Variants in MEMO1 observed in about 807,000 individuals in gnomAD.
The protein encoded by MEMO1 is protein MEMO1.
MEMO1 carries 6 observed loss-of-function variants against 45.2 expected under a neutral mutation model. The ratio of observed to expected loss-of-function variants is 0.13; its 90% CI spans 0.07 to 0.26. MEMO1 has a LOEUF of 0.26. Ranked by LOEUF, MEMO1 falls within the 10% of genes least tolerant of loss-of-function variation. MEMO1 has a pLI of 1.00. For missense variants in MEMO1, 184 were observed against 370.5 expected, an observed-to-expected ratio of 0.50 and a Z score of 4.13; for synonymous variants, 78 against 124.3, an observed-to-expected ratio of 0.63 and a Z score of 2.48.
At chr2:31,922,842 TA>T (rs1682518723) in intron 4 of MEMO1, among the ~76,000 whole-genome samples, 2 of 152,282 alleles carry the variant, frequency 1.3e-5, no homozygotes, top group South Asian at 4.1e-4. Flanking sequence ...ATAGTGTATA[TA>T]TGTACCACAT....
In MEMO1 at chr2:31,971,480, G is replaced by A. The variant is rs72860968; in HGVS notation, c.62-28097C>T. On this transcript the variant is annotated intron_variant, in intron 2 of 9. Transcript: ENST00000404530. ...CCTGGGCTCAAGAGATCCTCCTATTGTGGCCTCCCAAAGTGCTGGGATTAT... is the reference window on the plus strand; with the variant it reads ...CCTGGGCTCAAGAGATCCTCCTATTATGGCCTCCCAAAGTGCTGGGATTAT... Among the ~76,000 whole-genome samples, 448 of 152,066 alleles carry A rather than the reference G, an allele frequency of 2.9e-3. 4 individuals are homozygous for A. Among genetic ancestry groups the A allele is most frequent in the African/African-American group, 0.01 (423 of 41,484 alleles).
chr2:31,952,873 A>G (rs1408176049), intron 2 of MEMO1, among the ~76,000 whole-genome samples: 2 of 152,262 alleles, frequency 1.3e-5, no homozygotes, highest in Non-Finnish European at 2.9e-5. Context: ...GCCTACTTTT[A>G]TTTACATAAC....
At chr2:31,948,461 A>G (rs1028550041) in intron 2 of MEMO1, among the ~76,000 whole-genome samples, 1 of 152,246 alleles carries the variant, frequency 6.6e-6, no homozygotes, top group Non-Finnish European at 1.5e-5. Flanking sequence ...GGCACCCAGT[A>G]TTTCATTATT....
chr2:31,932,716 T>A (rs1572722046), intron 3 of MEMO1, among the ~76,000 whole-genome samples: 2 of 152,320 alleles, frequency 1.3e-5, no homozygotes, highest in Non-Finnish European at 2.9e-5. Context: ...ATTACAGGCA[T>A]AAGCCACCGC....
chr2:31,927,695 A>G (rs1291279549), intron 4 of MEMO1, among the ~76,000 whole-genome samples: 1 of 151,798 alleles, frequency 6.6e-6, no homozygotes, highest in Non-Finnish European at 1.5e-5. Context: ...TCTATTAGAA[A>G]ATGTATTTAT....
At chr2:31,971,952 A>T (rs1669461834) in intron 2 of MEMO1, among the ~76,000 whole-genome samples, 1 of 152,232 alleles carries the variant, frequency 6.6e-6, no homozygotes, top group Non-Finnish European at 1.5e-5. Flanking sequence ...CCTGGCCGTC[A>T]GAGCGAGACT....
chr2:31,971,969 C>CA (rs1030287206), intron 2 of MEMO1, among the ~76,000 whole-genome samples: 22 of 147,630 alleles, frequency 1.5e-4, no homozygotes, highest in Non-Finnish European at 1.6e-4. Context: ...GACTCTGTCT[C>CA]AAAAAAAAAG....
chr2:31,898,143 C>T (rs772813693), intron 6 of MEMO1, among the ~76,000 whole-genome samples: 2 of 151,570 alleles, frequency 1.3e-5, no homozygotes, highest in East Asian at 1.9e-4. Flanking sequence ...CTATCTGTTT[C>T]GTTAATCTTT....
chr2:31,933,351 T>TTATATATATATATATATATATATATA (rs370773425), intron 3 of MEMO1, among the ~76,000 whole-genome samples: 2 of 45,082 alleles, frequency 4.4e-5, no homozygotes, highest in Non-Finnish European at 7.5e-5. Context: ...AAAAAAAAAT[T>TTATATATATATATATATATATATATA]TATATATATA....
intron 3 of MEMO1, among the ~76,000 whole-genome samples, chr2:31,937,356 T>C (rs1665037658): frequency 6.6e-6 from 1 of 152,248 alleles, no homozygotes; most frequent in African/African-American, 2.4e-5. Context: ...GAATGTTGCA[T>C]ATCTAGATAT....
At chr2:31,883,331 C>T in intron 8 of MEMO1, 55 bp downstream of exon 8, 2 of 1,196,526 alleles carry the variant, frequency 1.7e-6, no homozygotes, top group Non-Finnish European at 2.4e-6. Context: ...AATTACTAAT[C>T]TGAAATTAAA....
intron 8 of MEMO1, among the ~76,000 whole-genome samples, chr2:31,874,400 A>G (rs1415944490): frequency 6.6e-6 from 1 of 152,108 alleles, no homozygotes; most frequent in Admixed American, 6.5e-5. Flanking sequence ...CTACAGTTAC[A>G]TAGTTTTTCC....
At chr2:31,943,255 A>C in intron 3 of MEMO1, 47 bp downstream of exon 3, 22 of 1,324,752 alleles carry the variant, frequency 1.7e-5, no homozygotes, top group Non-Finnish European at 2.0e-5. Context: ...ACACAGGGAG[A>C]CTCCTTCTCA....
intron 2 of MEMO1, among the ~76,000 whole-genome samples, chr2:31,945,773 G>C (rs934347863): frequency 6.6e-6 from 1 of 152,158 alleles, no homozygotes; most frequent in Non-Finnish European, 1.5e-5. Flanking sequence ...ATTACATCCT[G>C]TCATAAAGAT....
At chr2:31,950,024 G>T (rs1666653288) in intron 2 of MEMO1, among the ~76,000 whole-genome samples, 1 of 152,142 alleles carries the variant, frequency 6.6e-6, no homozygotes, top group South Asian at 2.1e-4. Context: ...ATGACATATG[G>T]TTTCTATTGC....
chr2:31,937,672 T>C (rs914822398), intron 3 of MEMO1, among the ~76,000 whole-genome samples: 1 of 152,204 alleles, frequency 6.6e-6, no homozygotes, highest in African/African-American at 2.4e-5. Context: ...AAAGTGGAAG[T>C]ATCCTTTCTC....
At chr2:31,951,033 G>A (rs1021015149) in intron 2 of MEMO1, among the ~76,000 whole-genome samples, 3 of 152,010 alleles carry the variant, frequency 2.0e-5, no homozygotes, top group African/African-American at 4.8e-5. Flanking sequence ...GACATATATC[G>A]CCCAAGTCTC....
intron 2 of MEMO1, among the ~76,000 whole-genome samples, chr2:31,999,078 A>G (rs1306719201): frequency 1.3e-5 from 2 of 152,198 alleles, no homozygotes; most frequent in African/African-American, 2.4e-5. Flanking sequence ...TTCGCACTCC[A>G]TACTTCAAGT....
intron 2 of MEMO1, among the ~76,000 whole-genome samples, chr2:31,956,287 A>C (rs1214689156): frequency 6.6e-6 from 1 of 152,202 alleles, no homozygotes; most frequent in East Asian, 1.9e-4. Flanking sequence ...GGAAAGAATC[A>C]GGACTAGGAT....
Sources: gnomAD v4.1 joint callset for allele counts (sites outside exome capture counted in the v4.1 genomes callset) on GRCh38, gnomAD v4.1.1 for gene constraint, MANE v1.5 for transcripts, NCBI Gene and HGNC (gene_info 2026-07-23, HGNC 2026-07-21) for gene names.